The following PSMD1 variants were observed in gnomAD, a reference collection of about 807,000 sequenced individuals.
PSMD1 encodes the protein 26S proteasome non-ATPase regulatory subunit 1.
PSMD1 carries 18 observed loss-of-function variants against 119.0 expected under a neutral mutation model. That is an observed-to-expected ratio of 0.15 (90% CI 0.10 to 0.22). The LOEUF is 0.22. Ranked by LOEUF, PSMD1 falls within the 10% of genes least tolerant of loss-of-function variation. PSMD1 has a pLI of 1.00. For missense variants in PSMD1, 702 were observed against 1,158.5 expected (o/e 0.61, Z 5.72); for synonymous variants, 374 against 396.6 (o/e 0.94, Z 0.68).
intron 17 of PSMD1, among the ~76,000 whole-genome samples, chr2:231,143,419 G>A (rs1200601139): frequency 1.1e-4 from 17 of 152,104 alleles, no homozygotes; most frequent in Non-Finnish European, 2.1e-4. Context: ...TAGTAGAGAC[G>A]GGGTTTCACC....
intron 16 of PSMD1, among the ~76,000 whole-genome samples, chr2:231,113,044 G>A (rs2125212752): frequency 6.6e-6 from 1 of 152,156 alleles, no homozygotes; most frequent in East Asian, 1.9e-4. Flanking sequence ...TGTGTCTGTA[G>A]TCCCAGCTAC....
chr2:231,097,456 T>A (rs1237113937), intron 16 of PSMD1, among the ~76,000 whole-genome samples: 1 of 152,100 alleles, frequency 6.6e-6, no homozygotes, highest in Non-Finnish European at 1.5e-5. Flanking sequence ...CAACATTGAG[T>A]TTTAATCATG....
At chr2:231,090,318 G>T (rs1325707001) in intron 16 of PSMD1, among the ~76,000 whole-genome samples, 1 of 152,210 alleles carries the variant, frequency 6.6e-6, no homozygotes, top group Non-Finnish European at 1.5e-5. Context: ...CAACGCGGCA[G>T]ATCACCCAAG....
rs564097333 is a variant in PSMD1 at position 231,147,107 on chromosome 2, GCTTGCC to G, written c.2115+753_2115+758del. Among the ~76,000 whole-genome samples the G allele has an allele frequency of 2.1e-4, 32 of 152,290 alleles. No homozygotes were observed. The East Asian group carries it at 3.5e-3, about 17-fold the overall frequency. On this transcript the variant is annotated intron_variant, in intron 18 of 24. Coordinates refer to ENST00000308696, the MANE Select transcript of PSMD1 (RefSeq NM_002807.4). ...GTGAGGGGGAAAGACTCACAACCCA[GCTTGCC>G]CCAAAGAGATCCTCTTCACATATCC...
chr2:231,133,369 C>G (rs1055761482), intron 16 of PSMD1: 1 of 152,104 alleles, frequency 6.6e-6, no homozygotes, highest in Non-Finnish European at 1.5e-5. Context: ...AGTTAATCCT[C>G]TAACACTGTG....
rs554888079 is a variant in PSMD1 at position 231,078,531 on chromosome 2, A to G, written c.1072-128A>G. 21 of 499,964 alleles carry G rather than the reference A, an allele frequency of 4.2e-5. No homozygotes were observed. The South Asian group carries it at 6.9e-4, about 16-fold the overall frequency. 31.0% of individuals were successfully genotyped at this position (499,964 alleles called of 1,614,324 possible). On this transcript the variant is annotated intron_variant, in intron 9 of 24. Coordinates refer to ENST00000308696, the MANE Select transcript of PSMD1 (RefSeq NM_002807.4). ...TTTATAAAAGAAATACCCAAGATCC[A>G]TATTTTAAATCTCAGTTCAGTTTGT... is the stretch of plus-strand genomic sequence containing the variant.
intron 6 of PSMD1, 111 bp downstream of exon 6, chr2:231,070,279 C>T (rs1202378936): frequency 1.2e-6 from 1 of 868,748 alleles, no homozygotes; most frequent in Middle Eastern, 3.4e-4. Flanking sequence ...ATACATGTAT[C>T]TCAGCTGATC....
intron 19 of PSMD1, among the ~76,000 whole-genome samples, chr2:231,156,594 GT>G (rs1219107589): frequency 6.6e-6 from 1 of 151,980 alleles, no homozygotes; most frequent in African/African-American, 2.4e-5. Context: ...TTTATTGAAA[GT>G]TTTTTTATAA....
intron 16 of PSMD1, among the ~76,000 whole-genome samples, chr2:231,110,394 G>T (rs534610360): frequency 1.3e-5 from 2 of 152,242 alleles, no homozygotes; most frequent in African/African-American, 4.8e-5. Context: ...ATACCATGAA[G>T]TATTTAAATA....
chr2:231,084,605 A>C (rs1022452297), intron 14 of PSMD1, among the ~76,000 whole-genome samples: 1 of 152,118 alleles, frequency 6.6e-6, no homozygotes, highest in Non-Finnish European at 1.5e-5. Flanking sequence ...ATTATTAATT[A>C]ATTTGTTCAG....
At chr2:231,137,689 C>T (rs923050939) in intron 16 of PSMD1, among the ~76,000 whole-genome samples, 2 of 151,980 alleles carry the variant, frequency 1.3e-5, no homozygotes, top group African/African-American at 4.8e-5. Flanking sequence ...CAACCCAGCA[C>T]CCTTCCCTCC....
intron 16 of PSMD1, among the ~76,000 whole-genome samples, chr2:231,100,934 G>A (rs891211637): frequency 2.6e-5 from 4 of 152,128 alleles, no homozygotes; most frequent in Non-Finnish European, 2.9e-5. Flanking sequence ...CTGTTGCAGC[G>A]TTCCTCACGC....
intron 16 of PSMD1, chr2:231,133,470 C>T (rs986712377): frequency 6.6e-6 from 1 of 152,200 alleles, no homozygotes; most frequent in African/African-American, 2.4e-5. Flanking sequence ...GAATTCTTAC[C>T]TAGCATTATA....
At position 231,132,076 on chromosome 2, in the gene PSMD1, T is replaced by C. The variant is rs527516340; in HGVS notation, c.1884-6660T>C. Among the ~76,000 whole-genome samples, 120 of 152,296 alleles carry C rather than the reference T, an allele frequency of 7.9e-4. 1 individual carries two copies. Among genetic ancestry groups the C allele is most frequent in the African/African-American group, 2.6e-3 (110 of 41,580 alleles). ...TAGGTAAAGTTCTGCATTAGGCTCC[T>C]GGTATTTATGTTCTCAGGCAAAATT... On this transcript the variant is annotated intron_variant, in intron 16 of 24. Coordinates refer to ENST00000308696, the MANE Select transcript of PSMD1 (RefSeq NM_002807.4).
chr2:231,095,547 G>T (rs1043309279), intron 16 of PSMD1, among the ~76,000 whole-genome samples: 1 of 152,132 alleles, frequency 6.6e-6, no homozygotes, highest in Non-Finnish European at 1.5e-5. Flanking sequence ...TTCTACTGGG[G>T]AGCAAAGCTT....
intron 16 of PSMD1, among the ~76,000 whole-genome samples, chr2:231,107,165 A>C (rs566888401): frequency 2.6e-5 from 4 of 152,220 alleles, no homozygotes; most frequent in Non-Finnish European, 1.5e-5. Flanking sequence ...AGCAGATTAT[A>C]TATAGCCAGT....
At chr2:231,106,520 A>G (rs1694977958) in intron 16 of PSMD1, among the ~76,000 whole-genome samples, 1 of 152,168 alleles carries the variant, frequency 6.6e-6, no homozygotes, top group Non-Finnish European at 1.5e-5. Flanking sequence ...CAGGAGGCTG[A>G]GGCATGAGAA....
Position 231,066,926 on chromosome 2 carries a change from A to T in PSMD1, c.325A>T (p.Thr109Ser), listed in dbSNP as rs1307869902. 1.2e-6 allele frequency: 2 copies of T among 1,609,992 alleles called. No individual in the cohort carries two copies. The highest frequency in any genetic ancestry group is 2.7e-5 in the African/African-American group (2 of 74,850). Reference protein sequence around the residue: ...TIIAKCIDHYTKQCVENADLP... With the variant: ...TIIAKCIDHYSKQCVENADLP... Reference sequence around the variant, plus strand: ...AACAGCAAAATGCATTGATCACTACACCAAACAATGTGTGGAAAATGCAGA... The same window carrying T: ...AACAGCAAAATGCATTGATCACTACTCCAAACAATGTGTGGAAAATGCAGA... Residue 109 changes from threonine to serine, a missense_variant, in exon 5 of 25, where the codon ACC becomes TCC. By Grantham distance (58) the Thr-to-Ser change is moderately conservative. Around this residue, in one of 9 missense-constraint regions of PSMD1, gnomAD observed 50 missense variants for 41.8 expected, o/e 1.20. Transcript: ENST00000308696.
chr2:231,107,085 A>G (rs948220491), intron 16 of PSMD1, among the ~76,000 whole-genome samples: 1 of 152,144 alleles, frequency 6.6e-6, no homozygotes, highest in African/African-American at 2.4e-5. Context: ...AAAATCTTAG[A>G]CTAGTAGTAG....
Sources: allele counts gnomAD v4.1 joint callset (sites outside exome capture counted in the v4.1 genomes callset), GRCh38; gene constraint gnomAD v4.1.1; regional missense constraint gnomAD v4.1.1; transcripts MANE v1.5; gene names NCBI Gene and HGNC (gene_info 2026-07-23, HGNC 2026-07-21).